The following CHL1 variants were observed in gnomAD, a reference collection of about 807,000 sequenced individuals.
CHL1 encodes the protein cell adhesion molecule L1 like.
In CHL1, 96 loss-of-function variants were observed where a neutral mutation model predicts 141.9. The ratio of observed to expected loss-of-function variants is 0.68; its 90% CI spans 0.57 to 0.80. The LOEUF is 0.80. CHL1 is among the 30% of genes least tolerant of loss of function. CHL1 has a pLI of 0.00. For missense variants in CHL1, 1,820 were observed against 1,457.2 expected, an observed-to-expected ratio of 1.25 and a Z score of -4.05; for synonymous variants, 613 against 502.2, an observed-to-expected ratio of 1.22 and a Z score of -2.95.
At chr3:344,852 T>TA in intron 9 of CHL1, 143 bp downstream of exon 9, 1 of 798,880 alleles carries the variant, frequency 1.3e-6, no homozygotes, top group Non-Finnish European at 1.9e-6. Context: ...ACTGCAGATA[T>TA]TCTGCTCAGG....
chr3:400,134 C>G (rs1709003459), intron 26 of CHL1, among the ~76,000 whole-genome samples: 1 of 152,172 alleles, frequency 6.6e-6, no homozygotes, highest in African/African-American at 2.4e-5. Context: ...TTAGGTTACA[C>G]TGCTATTTGT....
intron 9 of CHL1, among the ~76,000 whole-genome samples, chr3:348,792 T>G (rs961709188): frequency 3.9e-5 from 6 of 152,196 alleles, no homozygotes; most frequent in Non-Finnish European, 7.3e-5. Flanking sequence ...GTATCTGTGC[T>G]GCAGATTCCA....
chr3:358,215 T>C (rs1319159717), intron 11 of CHL1, among the ~76,000 whole-genome samples: 27 of 152,132 alleles, frequency 1.8e-4, no homozygotes. Flanking sequence ...GAGCATTCCT[T>C]CGTTTGCCTT....
intron 1 of CHL1, among the ~76,000 whole-genome samples, chr3:221,725 T>G (rs558842845): frequency 6.6e-6 from 1 of 152,332 alleles, no homozygotes; most frequent in East Asian, 1.9e-4. Context: ...TTCTTACCAT[T>G]GAAATATAGA....
At chr3:318,901 A>G (rs1170374367) in intron 2 of CHL1, among the ~76,000 whole-genome samples, 1 of 151,710 alleles carries the variant, frequency 6.6e-6, no homozygotes, top group Non-Finnish European at 1.5e-5. Context: ...CACTTTTTAA[A>G]TAAAATTAAC....
chr3:377,714 C>G, intron 15 of CHL1, 104 bp from the exon 16 acceptor site: 1 of 991,012 alleles, frequency 1.0e-6, no homozygotes, highest in Non-Finnish European at 1.5e-6. Flanking sequence ...TCATCTTTCA[C>G]TCTTAGATTG....
At chr3:303,556 T>G (rs1254523640) in intron 2 of CHL1, among the ~76,000 whole-genome samples, 4 of 152,194 alleles carry the variant, frequency 2.6e-5, no homozygotes, top group Non-Finnish European at 5.9e-5. Context: ...TGGATAGGAA[T>G]GCTTGTGATT....
intron 1 of CHL1, among the ~76,000 whole-genome samples, chr3:213,899 A>C (rs1700095096): frequency 6.7e-6 from 1 of 149,840 alleles, no homozygotes; most frequent in South Asian, 2.1e-4. Flanking sequence ...TCTGATGTGA[A>C]AAAAATGTGA....
chr3:274,419 A>G (rs1249114254), intron 2 of CHL1, among the ~76,000 whole-genome samples: 1 of 152,242 alleles, frequency 6.6e-6, no homozygotes, highest in East Asian at 1.9e-4. Flanking sequence ...AAAAAAGAAC[A>G]TTCCAAATTA....
intron 1 of CHL1, among the ~76,000 whole-genome samples, chr3:213,955 A>G (rs1166181419): frequency 6.6e-6 from 1 of 152,220 alleles, no homozygotes; most frequent in Non-Finnish European, 1.5e-5. Flanking sequence ...CACATATTAT[A>G]AAACAGGAGC....
chr3:293,530 G>A (rs1697899838), intron 2 of CHL1, among the ~76,000 whole-genome samples: 1 of 151,862 alleles, frequency 6.6e-6, no homozygotes, highest in African/African-American at 2.4e-5. Flanking sequence ...AACCCTAATT[G>A]AATCTTTCCC....
intron 1 of CHL1, among the ~76,000 whole-genome samples, chr3:237,100 T>G (rs1460973129): frequency 6.6e-6 from 1 of 152,220 alleles, no homozygotes; most frequent in Non-Finnish European, 1.5e-5. Flanking sequence ...GGTTTGGCTC[T>G]GTGTTCTCAC....
At position 389,345 on chromosome 3, in the gene CHL1, G is replaced by C. The variant is rs762697509; in HGVS notation, c.2341G>C (p.Val781Leu). The C allele has an allele frequency of 1.2e-6, 2 of 1,614,184 alleles. No individual in the cohort carries two copies. ...GAPVEWEEET[V>L]TNHTLRVMTP... ...CCCAGTGGAGTGGGAAGAAGAAACA[G>C]TCACAAACCACACATTGCGGGTGAT... is the stretch of plus-strand genomic sequence containing the variant. The change falls in exon 20 of 28, where the codon GTC (valine) becomes CTC (leucine). Residue 781 changes from valine to leucine, a missense_variant. Transcript: ENST00000256509.
chr3:349,145 C>CT (rs1703021010), intron 9 of CHL1, among the ~76,000 whole-genome samples: 1 of 152,184 alleles, frequency 6.6e-6, no homozygotes, highest in Non-Finnish European at 1.5e-5. Flanking sequence ...AGACAGACCA[C>CT]TGGAGGAACT....
At position 210,250 on chromosome 3, in the gene CHL1, G is replaced by C. The variant is rs1699794546; in HGVS notation, c.-175+13187G>C. On this transcript the variant is annotated intron_variant, in intron 1 of 27. Transcript: ENST00000256509. Reference sequence around the variant, plus strand: ...TTTTTCCACTTACCTATCACTGAATGACAAACTAACTCATACCTTTAAACA... The same window carrying C: ...TTTTTCCACTTACCTATCACTGAATCACAAACTAACTCATACCTTTAAACA... Among the ~76,000 whole-genome samples the C allele has an allele frequency of 2.6e-5, 4 of 152,234 alleles. No homozygotes were observed. The South Asian group carries it at 8.3e-4, about 31-fold the overall frequency.
Position 342,070 on chromosome 3 carries a change from A to T in CHL1, c.667A>T (p.Thr223Ser). ...TIVQKMPMKL[T>S]VNSLKHANDS... ...TGTACAGAAAATGCCAATGAAACTA[A>T]CAGTTAACAGTTGTAAGTCCACATA... Residue 223 changes from threonine (T) to serine (S), a missense_variant, in exon 7 of 28, where the codon ACA (threonine) becomes TCA (serine). Transcript: ENST00000256509. 1.9e-6 allele frequency: 3 copies of T among 1,609,322 alleles called. No individual in the cohort carries two copies. The highest frequency in any genetic ancestry group is 2.6e-6 in the Non-Finnish European group (3 of 1,176,188).
rs539280284 is a variant in CHL1 at position 316,804 on chromosome 3, G to A, written c.-94-2879G>A. Among the ~76,000 whole-genome samples, 4 of 151,754 alleles carry A rather than the reference G, an allele frequency of 2.6e-5. No homozygotes were observed. In the East Asian group the frequency reaches 5.8e-4, roughly 22 times the overall value. Reference sequence around the variant, plus strand: ...GAAAGTAAAAATTTTAAAAAAATTAGTTCTTGTCTTAGTGCCAGCTCCATC... The same window carrying A: ...GAAAGTAAAAATTTTAAAAAAATTAATTCTTGTCTTAGTGCCAGCTCCATC... On this transcript the variant is annotated intron_variant, in intron 2 of 27. Coordinates refer to ENST00000256509, the MANE Select transcript of CHL1 (RefSeq NM_006614.4).
chr3:399,387 A>G (rs1356677961), intron 26 of CHL1, among the ~76,000 whole-genome samples: 2 of 152,208 alleles, frequency 1.3e-5, no homozygotes, highest in East Asian at 1.9e-4. Context: ...CACGCCTGTA[A>G]TTCCAGCAGT....
chr3:351,457 T>C (rs1703249271), intron 10 of CHL1, among the ~76,000 whole-genome samples: 1 of 152,218 alleles, frequency 6.6e-6, no homozygotes, highest in African/African-American at 2.4e-5. Context: ...TACTTTTTTT[T>C]CTAAAGTGTG....
Sources: gnomAD v4.1 joint callset for allele counts (sites outside exome capture counted in the v4.1 genomes callset) on GRCh38, gnomAD v4.1.1 for gene constraint, MANE v1.5 for transcripts, NCBI Gene and HGNC (gene_info 2026-07-23, HGNC 2026-07-21) for gene names.